Variants in FOXN3 observed in about 807,000 individuals in gnomAD.
FOXN3 encodes forkhead box protein N3.
A neutral mutation model predicts 38.4 loss-of-function variants in FOXN3; 7 were observed. That is an observed-to-expected ratio of 0.18 (90% CI 0.10 to 0.34). The LOEUF (loss-of-function observed/expected upper bound fraction) is 0.34, where lower values mean the gene tolerates loss of function less well. Among genes scored for constraint, FOXN3 ranks in the 10% least tolerant of loss-of-function variants. The pLI is 1.00. For synonymous variants in FOXN3, 230 were observed against 242.2 expected (o/e 0.95, Z 0.47); for missense variants, 456 against 613.4 (o/e 0.74, Z 2.71).
At chr14:89,605,094 A>G (rs923875363) in intron 1 of FOXN3, among the ~76,000 whole-genome samples, 1 of 152,216 alleles carries the variant, frequency 6.6e-6, no homozygotes, top group Admixed American at 6.5e-5. Context: ...TAAGCAAAAA[A>G]TGTAGTAAAC....
At chr14:89,618,465 A>C (rs1411442405) in intron 1 of FOXN3, among the ~76,000 whole-genome samples, 3 of 152,218 alleles carry the variant, frequency 2.0e-5, no homozygotes, top group African/African-American at 7.2e-5. Flanking sequence ...TGTAGATGTC[A>C]TATCAGGATA....
chr14:89,547,667 T>C (rs1894913413), intron 1 of FOXN3, among the ~76,000 whole-genome samples: 1 of 152,166 alleles, frequency 6.6e-6, no homozygotes, highest in South Asian at 2.1e-4. Flanking sequence ...TAACCAATTA[T>C]TTGTTACCTC....
intron 1 of FOXN3, among the ~76,000 whole-genome samples, chr14:89,555,868 TGTGTGTGTATGTGGGG>T (rs1269489524): frequency 9.1e-5 from 11 of 120,424 alleles, no homozygotes; most frequent in East Asian, 3.1e-4. Flanking sequence ...TGTGTGTGTG[TGTGTGTGTATGTGGGG>T]GTGTATGTGG....
intron 4 of FOXN3, among the ~76,000 whole-genome samples, chr14:89,210,077 G>A (rs1047121129): frequency 2.6e-5 from 4 of 152,222 alleles, no homozygotes; most frequent in African/African-American, 7.2e-5. Context: ...ACTGTGGCTT[G>A]ACACAGCACC....
chr14:89,603,832 C>T (rs1378299470), intron 1 of FOXN3, among the ~76,000 whole-genome samples: 2 of 152,002 alleles, frequency 1.3e-5, no homozygotes, highest in Admixed American at 6.6e-5. Context: ...CTTAGCAAGA[C>T]ACAGGGGAAA....
At chr14:89,319,225 G>C (rs569856689) in intron 3 of FOXN3, among the ~76,000 whole-genome samples, 9 of 152,280 alleles carry the variant, frequency 5.9e-5, no homozygotes, top group African/African-American at 2.2e-4. Context: ...ACCACCCCCA[G>C]TGAGTCACTA....
chr14:89,615,681 C>CTTT, intron 1 of FOXN3, among the ~76,000 whole-genome samples: 1 of 152,324 alleles, frequency 6.6e-6, no homozygotes, highest in South Asian at 2.1e-4. Flanking sequence ...AAGCTCCCTA[C>CTTT]AGGAAATCCT....
chr14:89,296,710 C>T (rs910765879), intron 3 of FOXN3, among the ~76,000 whole-genome samples: 5 of 152,176 alleles, frequency 3.3e-5, no homozygotes, highest in Non-Finnish European at 7.4e-5. Context: ...ATTTCAGCTC[C>T]CTGCAACCTC....
chr14:89,314,333 C>T (rs1887661099), intron 3 of FOXN3, among the ~76,000 whole-genome samples: 1 of 152,122 alleles, frequency 6.6e-6, no homozygotes, highest in Non-Finnish European at 1.5e-5. Context: ...TATTTTACTA[C>T]ACTAGGCTGG....
chr14:89,199,722 G>A (rs1888187541), intron 4 of FOXN3, among the ~76,000 whole-genome samples: 1 of 152,120 alleles, frequency 6.6e-6, no homozygotes, highest in Admixed American at 6.5e-5. Context: ...GGCCAACATG[G>A]TGAAATCCCA....
chr14:89,608,726 T>G (rs1896330054), intron 1 of FOXN3, among the ~76,000 whole-genome samples: 1 of 152,158 alleles, frequency 6.6e-6, no homozygotes. Flanking sequence ...CCTTCCCACA[T>G]GCACTATCAT....
At chr14:89,165,566 T>G (rs1420788208) in intron 5 of FOXN3, among the ~76,000 whole-genome samples, 2 of 152,176 alleles carry the variant, frequency 1.3e-5, no homozygotes, top group Admixed American at 1.3e-4. Context: ...CCCTGAGCTT[T>G]GGGGTTTGGC....
At chr14:89,213,517 C>T (rs1884166197) in intron 4 of FOXN3, among the ~76,000 whole-genome samples, 2 of 152,172 alleles carry the variant, frequency 1.3e-5, no homozygotes, top group African/African-American at 4.8e-5. Flanking sequence ...CTTTTTGAAA[C>T]ATATAGCTAC....
intron 2 of FOXN3, among the ~76,000 whole-genome samples, chr14:89,360,759 TCCACCACTACCACCTCCACCACC>T (rs1889489812): frequency 5.1e-5 from 2 of 38,916 alleles, no homozygotes; most frequent in African/African-American, 1.7e-4. Context: ...CACCACCACC[TCCACCACTACCACCTCCACCACC>T]ACCTCCACCA....
At chr14:89,398,089 C>T (rs1891146987) in intron 2 of FOXN3, among the ~76,000 whole-genome samples, 1 of 152,170 alleles carries the variant, frequency 6.6e-6, no homozygotes, top group Non-Finnish European at 1.5e-5. Context: ...TTAGGAGTCC[C>T]CTTCTCCTTT....
chr14:89,278,506 C>T (rs140639857), intron 4 of FOXN3, among the ~76,000 whole-genome samples: 2 of 152,202 alleles, frequency 1.3e-5, no homozygotes, highest in African/African-American at 4.8e-5. Flanking sequence ...TCTGCCAGTC[C>T]TGCTAGTGAT....
intron 1 of FOXN3, among the ~76,000 whole-genome samples, chr14:89,511,226 T>C (rs1395119462): frequency 6.8e-5 from 2 of 29,510 alleles, no homozygotes; most frequent in Non-Finnish European, 3.1e-4. Flanking sequence ...TTTCTTTCTT[T>C]CTTTTCTTTC....
chr14:89,346,254 C>T, intron 3 of FOXN3, among the ~76,000 whole-genome samples: 1 of 152,172 alleles, frequency 6.6e-6, no homozygotes, highest in Admixed American at 6.5e-5. Context: ...ATGCAGCATA[C>T]TACTATTACT....
chr14:89,470,587 A>AT (rs1166562555), intron 1 of FOXN3, among the ~76,000 whole-genome samples: 1 of 152,200 alleles, frequency 6.6e-6, no homozygotes, highest in African/African-American at 2.4e-5. Context: ...TCTCTCTGAG[A>AT]TATTTTTTAT....
Sources: allele counts gnomAD v4.1 joint callset (sites outside exome capture counted in the v4.1 genomes callset), GRCh38; gene constraint gnomAD v4.1.1; transcripts MANE v1.5; gene names NCBI Gene and HGNC (gene_info 2026-07-23, HGNC 2026-07-21).